The following MPPED2 variants were observed in gnomAD, a reference collection of about 807,000 sequenced individuals.
MPPED2 encodes metallophosphoesterase MPPED2.
MPPED2 carries 5 observed loss-of-function variants against 33.0 expected under a neutral mutation model. That is an observed-to-expected ratio of 0.15 (90% CI 0.08 to 0.32). MPPED2 has a LOEUF of 0.32. Ranked by LOEUF, MPPED2 falls within the 10% of genes least tolerant of loss-of-function variation. The pLI is 1.00. For synonymous variants in MPPED2, 136 were observed against 141.9 expected, an observed-to-expected ratio of 0.96 and a Z score of 0.29; for missense variants, 275 against 372.1, an observed-to-expected ratio of 0.74 and a Z score of 2.15.
At chr11:30,407,637 C>T (rs1037513230), downstream of MPPED2, among the ~76,000 whole-genome samples, 3 of 152,116 alleles carry the variant, frequency 2.0e-5, no homozygotes, top group African/African-American at 2.4e-5. Flanking sequence ...TTTGGGAGGC[C>T]GAGGCAGGCG....
intron 4 of MPPED2, among the ~76,000 whole-genome samples, chr11:30,450,841 A>C (rs1022629499): frequency 6.6e-6 from 1 of 152,160 alleles, no homozygotes; most frequent in Admixed American, 6.5e-5. Flanking sequence ...CCCCTTTTTC[A>C]GAAGAAGTAA....
At chr11:30,537,802 C>T (rs1216417737) in intron 2 of MPPED2, among the ~76,000 whole-genome samples, 1 of 152,186 alleles carries the variant, frequency 6.6e-6, no homozygotes, top group Non-Finnish European at 1.5e-5. Flanking sequence ...AATTAATATG[C>T]TGTTACCACG....
At chr11:30,516,869 A>G (rs1565145668) in intron 3 of MPPED2, among the ~76,000 whole-genome samples, 1 of 152,138 alleles carries the variant, frequency 6.6e-6, no homozygotes, top group Non-Finnish European at 1.5e-5. Context: ...TTGAGCAAGC[A>G]TTTTCTTAAT....
At chr11:30,413,986 A>T (rs1021327682) in intron 6 of MPPED2, among the ~76,000 whole-genome samples, 4 of 152,162 alleles carry the variant, frequency 2.6e-5, no homozygotes, top group African/African-American at 9.7e-5. Flanking sequence ...TGCCAGGGGG[A>T]GTGCAGGGTT....
rs71060450 is a variant in MPPED2 at position 30,458,914 on chromosome 11, C to CTTTT, written c.536+36378_536+36381dup. Among the ~76,000 whole-genome samples, 121 of 64,552 alleles carry CTTTT rather than the reference C, an allele frequency of 1.9e-3. 8 individuals carry two copies. The highest frequency in any genetic ancestry group is 2.2e-3 in the African/African-American group (37 of 17,106). The allele number at this position is 64,552 out of a possible 152,430, so 42.3% of individuals were successfully genotyped here. On this transcript the variant is annotated intron_variant, in intron 4 of 6. Transcript: ENST00000358117. ...TTTTTTAGGACAATTTTGCACAGTT[C>CTTTT]TTTTTTTTTTTTTTTTTTTTTTTTT... is the stretch of plus-strand genomic sequence containing the variant.
At chr11:30,402,410 A>G (rs1185611477) in intron 6 of MPPED2, among the ~76,000 whole-genome samples, 2 of 152,174 alleles carry the variant, frequency 1.3e-5, no homozygotes, top group Non-Finnish European at 2.9e-5. Flanking sequence ...CTTATGTGCC[A>G]TTGTGTTGGA....
intron 3 of MPPED2, among the ~76,000 whole-genome samples, chr11:30,514,164 A>C (rs1282024386): frequency 6.6e-6 from 1 of 152,200 alleles, no homozygotes; most frequent in African/African-American, 2.4e-5. Flanking sequence ...TCATAGACCC[A>C]GGTGAGGGTA....
intron 3 of MPPED2, among the ~76,000 whole-genome samples, chr11:30,511,108 C>A (rs1953157704): frequency 6.6e-6 from 1 of 152,102 alleles, no homozygotes. Flanking sequence ...TAAAAGAAAT[C>A]CCATTAGATT....
At chr11:30,476,042 C>G (rs984356733) in intron 4 of MPPED2, among the ~76,000 whole-genome samples, 1 of 151,900 alleles carries the variant, frequency 6.6e-6, no homozygotes, top group African/African-American at 2.4e-5. Context: ...TTGGATATAT[C>G]CCTTTATGAA....
At chr11:30,506,333 C>T (rs1487110715) in intron 3 of MPPED2, among the ~76,000 whole-genome samples, 2 of 152,168 alleles carry the variant, frequency 1.3e-5, no homozygotes, top group South Asian at 2.1e-4. Context: ...CATGAGCCAT[C>T]GTGCCTGGCC....
intron 2 of MPPED2, among the ~76,000 whole-genome samples, chr11:30,541,747 C>A (rs1955132034): frequency 6.6e-6 from 1 of 152,168 alleles, no homozygotes; most frequent in African/African-American, 2.4e-5. Context: ...CATGCGCCAC[C>A]ACGCCTGGCT....
chr11:30,429,787 A>G (rs1286459587), intron 4 of MPPED2, among the ~76,000 whole-genome samples: 1 of 152,178 alleles, frequency 6.6e-6, no homozygotes, highest in African/African-American at 2.4e-5. Context: ...TCAAGGCTCA[A>G]TTCATAATTA....
intron 4 of MPPED2, among the ~76,000 whole-genome samples, chr11:30,447,138 G>A (rs2133929487): frequency 6.6e-6 from 1 of 152,300 alleles, no homozygotes; most frequent in Non-Finnish European, 1.5e-5. Context: ...TGTCAGGTGG[G>A]TTCTCCCCTG....
chr11:30,440,101 G>A (rs1011790659), intron 4 of MPPED2, among the ~76,000 whole-genome samples: 5 of 152,036 alleles, frequency 3.3e-5, no homozygotes, highest in East Asian at 1.9e-4. Flanking sequence ...AGGCTGAGGC[G>A]GGGGGATTAC....
intron 4 of MPPED2, among the ~76,000 whole-genome samples, chr11:30,432,428 A>G (rs964142292): frequency 7.4e-6 from 1 of 134,286 alleles, no homozygotes; most frequent in Admixed American, 6.9e-5. Context: ...AAAATAAAGC[A>G]GGTTATAGTT....
chr11:30,390,062 G>A (rs374084718), intron 6 of MPPED2, among the ~76,000 whole-genome samples: 32 of 152,098 alleles, frequency 2.1e-4, no homozygotes, highest in African/African-American at 6.5e-4. Context: ...TGTAAGTGTC[G>A]AAATGCAGGC....
At chr11:30,525,074 C>G (rs1954092299) in intron 3 of MPPED2, among the ~76,000 whole-genome samples, 1 of 152,168 alleles carries the variant, frequency 6.6e-6, no homozygotes, top group South Asian at 2.1e-4. Context: ...AGTCCTAGGC[C>G]TCCCACTGAC....
Position 30,522,268 on chromosome 11 carries a change from T to C in MPPED2, c.310+13726A>G, listed in dbSNP as rs149678106. 8.3e-3 allele frequency among the ~76,000 whole-genome samples: 1,270 copies of C among 152,240 alleles called. 16 individuals carry two copies. The highest frequency in any genetic ancestry group is 0.029 in the African/African-American group (1,200 of 41,526). On this transcript the variant is annotated intron_variant, in intron 3 of 6. Coordinates refer to ENST00000358117, the MANE Select transcript of MPPED2 (RefSeq NM_001584.3). ...TGTATTAATTTATATTTCTTGATTT[T>C]GATAACTGTAGTGAGCTCATGTAAA...
At chr11:30,420,607 T>C (rs1948567490) in intron 4 of MPPED2, among the ~76,000 whole-genome samples, 1 of 152,096 alleles carries the variant, frequency 6.6e-6, no homozygotes, top group South Asian at 2.1e-4. Flanking sequence ...ACATGGTCAG[T>C]CAACACAGCC....
Sources: gnomAD v4.1 joint callset for allele counts (sites outside exome capture counted in the v4.1 genomes callset) on GRCh38, gnomAD v4.1.1 for gene constraint, MANE v1.5 for transcripts, NCBI Gene and HGNC (gene_info 2026-07-23, HGNC 2026-07-21) for gene names.